Variants in ARHGAP24 observed in about 807,000 individuals in gnomAD.
The protein encoded by ARHGAP24 is rho GTPase-activating protein 24.
Under a neutral mutation model 76.4 loss-of-function variants are expected in ARHGAP24, and 50 were observed. The ratio of observed to expected loss-of-function variants is 0.65; its 90% CI spans 0.52 to 0.83. The LOEUF is 0.83. ARHGAP24 is among the 40% of genes least tolerant of loss of function. ARHGAP24 has a pLI of 0.00. For missense variants in ARHGAP24, 930 were observed against 914.2 expected (o/e 1.02, Z -0.22); for synonymous variants, 345 against 323.3 (o/e 1.07, Z -0.72).
chr4:85,920,795 A>G (rs2148809320), intron 3 of ARHGAP24, among the ~76,000 whole-genome samples: 1 of 152,388 alleles, frequency 6.6e-6, no homozygotes, highest in South Asian at 2.1e-4. Context: ...TGATCGTTAG[A>G]GAAATGCAAA....
intron 3 of ARHGAP24, among the ~76,000 whole-genome samples, chr4:85,921,434 TAGGC>T (rs1490835666): frequency 3.9e-5 from 6 of 152,014 alleles, no homozygotes; most frequent in African/African-American, 1.4e-4. Context: ...TAATGAGTAC[TAGGC>T]TTAGTACCTG....
At chr4:85,856,906 T>C (rs989982892) in intron 3 of ARHGAP24, among the ~76,000 whole-genome samples, 4 of 152,324 alleles carry the variant, frequency 2.6e-5, no homozygotes, top group Non-Finnish European at 5.9e-5. Context: ...TCAACAAAAA[T>C]ATGACCTTAT....
intron 2 of ARHGAP24, among the ~76,000 whole-genome samples, chr4:85,670,573 G>T (rs528722206): frequency 2.0e-5 from 3 of 152,050 alleles, no homozygotes; most frequent in Non-Finnish European, 4.4e-5. Context: ...TTGGAGAATG[G>T]TGTCACCACA....
chr4:85,717,950 G>A (rs1020373232), intron 2 of ARHGAP24, among the ~76,000 whole-genome samples: 5 of 152,008 alleles, frequency 3.3e-5, no homozygotes, highest in South Asian at 4.1e-4. Flanking sequence ...TATTACTTTC[G>A]AGTTAGATTG....
At chr4:85,852,759 G>A (rs959366525) in intron 3 of ARHGAP24, among the ~76,000 whole-genome samples, 3 of 152,230 alleles carry the variant, frequency 2.0e-5, no homozygotes, top group African/African-American at 7.2e-5. Context: ...TCCAGACACT[G>A]TTTGCCTGGG....
At chr4:85,841,428 A>G (rs934951301) in intron 3 of ARHGAP24, among the ~76,000 whole-genome samples, 1 of 152,194 alleles carries the variant, frequency 6.6e-6, no homozygotes, top group Non-Finnish European at 1.5e-5. Flanking sequence ...AATCGCTTCA[A>G]TTTCCTCATC....
intron 4 of ARHGAP24, among the ~76,000 whole-genome samples, chr4:85,934,716 CGT>C (rs758990128): frequency 6.6e-6 from 1 of 151,974 alleles, no homozygotes; most frequent in Non-Finnish European, 1.5e-5. Context: ...GGTTTCATCA[CGT>C]TGGCCAGGCT....
chr4:85,790,285 T>C (rs925890722), intron 3 of ARHGAP24, among the ~76,000 whole-genome samples: 2 of 152,202 alleles, frequency 1.3e-5, no homozygotes, highest in Non-Finnish European at 2.9e-5. Context: ...ACACAAATCA[T>C]TCTTTTTCAC....
chr4:85,820,669 T>A lies in ARHGAP24; in HGVS notation c.268+98697T>A, dbSNP rs141732167. ...ATACATATTTGCTCAATAGTAATAATTTTAAAAGAGACTGAAATACAGTGA... is the reference window on the plus strand; with the variant it reads ...ATACATATTTGCTCAATAGTAATAAATTTAAAAGAGACTGAAATACAGTGA... On this transcript the variant is annotated intron_variant, in intron 3 of 9. Coordinates refer to ENST00000395184, the MANE Select transcript of ARHGAP24 (RefSeq NM_001025616.3). Among the ~76,000 whole-genome samples, 35 of 152,278 alleles carry A rather than the reference T, an allele frequency of 2.3e-4. No individual in the cohort carries two copies. In the Middle Eastern group the frequency reaches 0.01, roughly 44 times the overall value.
At chr4:85,610,122 G>A (rs1341893320) in intron 2 of ARHGAP24, among the ~76,000 whole-genome samples, 4 of 152,066 alleles carry the variant, frequency 2.6e-5, no homozygotes, top group South Asian at 2.1e-4. Flanking sequence ...CTAGCAGAGC[G>A]TTTGGCATTA....
chr4:85,541,142 C>CTT (rs70948733), intron 1 of ARHGAP24, among the ~76,000 whole-genome samples: 546 of 49,778 alleles, frequency 0.011, 124 homozygotes, highest in South Asian at 0.046. Context: ...CATCCATGAC[C>CTT]TTTTTTTTTT....
At chr4:85,966,009 C>A (rs567724025) in intron 5 of ARHGAP24, among the ~76,000 whole-genome samples, 1 of 152,192 alleles carries the variant, frequency 6.6e-6, no homozygotes, top group Admixed American at 6.5e-5. Context: ...ACAACAGAAA[C>A]TTCTCATTTC....
intron 3 of ARHGAP24, among the ~76,000 whole-genome samples, chr4:85,729,931 A>T (rs1463546587): frequency 6.6e-6 from 1 of 152,206 alleles, no homozygotes; most frequent in Non-Finnish European, 1.5e-5. Flanking sequence ...ATGAAAAGGA[A>T]GATGAAATAC....
At chr4:85,906,012 T>C (rs1435057318) in intron 3 of ARHGAP24, among the ~76,000 whole-genome samples, 1 of 152,196 alleles carries the variant, frequency 6.6e-6, no homozygotes, top group Non-Finnish European at 1.5e-5. Flanking sequence ...CTAAGCTGTA[T>C]TTAACCTGGA....
chr4:85,492,150 A>G (rs980533903), intron 1 of ARHGAP24, among the ~76,000 whole-genome samples: 22 of 150,532 alleles, frequency 1.5e-4, no homozygotes, highest in African/African-American at 5.2e-4. Flanking sequence ...ATTACCCTAG[A>G]ACCTTGTCAT....
chr4:85,761,398 A>T (rs144225012), intron 3 of ARHGAP24, among the ~76,000 whole-genome samples: 35 of 152,294 alleles, frequency 2.3e-4, no homozygotes, highest in African/African-American at 7.5e-4. Context: ...ATTCACTGGC[A>T]TCCACCTAAA....
chr4:85,887,777 A>T (rs1376459904), intron 3 of ARHGAP24, among the ~76,000 whole-genome samples: 1 of 152,154 alleles, frequency 6.6e-6, no homozygotes, highest in African/African-American at 2.4e-5. Flanking sequence ...CTCTGTTCTT[A>T]TGTACTTATG....
At chr4:85,925,388 A>G (rs1292393944) in intron 4 of ARHGAP24, among the ~76,000 whole-genome samples, 1 of 152,230 alleles carries the variant, frequency 6.6e-6, no homozygotes, top group East Asian at 1.9e-4. Context: ...TGTTTTACTT[A>G]ATAATTGCCC....
At chr4:85,968,883 C>A (rs915010066) in intron 5 of ARHGAP24, among the ~76,000 whole-genome samples, 20 of 152,016 alleles carry the variant, frequency 1.3e-4, no homozygotes, top group African/African-American at 4.8e-4. Flanking sequence ...CTTTGTTAAT[C>A]AAAAAATATA....
Sources: allele counts gnomAD v4.1 joint callset (sites outside exome capture counted in the v4.1 genomes callset), GRCh38; gene constraint gnomAD v4.1.1; transcripts MANE v1.5; gene names NCBI Gene and HGNC (gene_info 2026-07-23, HGNC 2026-07-21).